Variants in GRM7 observed in about 807,000 individuals in gnomAD.
GRM7 encodes the protein metabotropic glutamate receptor 7.
In GRM7, 35 loss-of-function variants were observed where a neutral mutation model predicts 84.5. The observed-to-expected ratio is 0.41, with a 90% CI of 0.32 to 0.55. The LOEUF is 0.55. Among genes scored for constraint, GRM7 ranks in the 20% least tolerant of loss-of-function variants. The pLI is 0.19. For synonymous variants in GRM7, 487 were observed against 455.1 expected, an observed-to-expected ratio of 1.07 and a Z score of -0.89; for missense variants, 1,003 against 1,194.6, an observed-to-expected ratio of 0.84 and a Z score of 2.36.
At chr3:7,197,648 A>T (rs1431293341) in intron 2 of GRM7, among the ~76,000 whole-genome samples, 1 of 150,766 alleles carries the variant, frequency 6.6e-6, no homozygotes, top group Non-Finnish European at 1.5e-5. Context: ...GCTCAATTAG[A>T]TTTCTCCTAA....
chr3:7,574,066 T>C (rs914958380), intron 7 of GRM7, among the ~76,000 whole-genome samples: 1 of 152,150 alleles, frequency 6.6e-6, no homozygotes, highest in Non-Finnish European at 1.5e-5. Context: ...AAGATGTAAA[T>C]TCTTTTTAAT....
intron 8 of GRM7, among the ~76,000 whole-genome samples, chr3:7,616,151 C>A (rs906948343): frequency 1.3e-5 from 2 of 152,148 alleles, no homozygotes; most frequent in African/African-American, 2.4e-5. Flanking sequence ...AATGAAAAAA[C>A]AAGTTTCCTT....
intron 4 of GRM7, among the ~76,000 whole-genome samples, chr3:7,341,266 C>G (rs188290457): frequency 6.6e-5 from 10 of 152,044 alleles, no homozygotes; most frequent in African/African-American, 2.4e-4. Flanking sequence ...GAAAATTCAA[C>G]AAATGTAACT....
At chr3:7,274,751 TTTG>T (rs539079484) in intron 2 of GRM7, among the ~76,000 whole-genome samples, 107 of 152,086 alleles carry the variant, frequency 7.0e-4, no homozygotes, top group Non-Finnish European at 7.7e-4. Flanking sequence ...TAGTTGTAGT[TTTG>T]TTGTTGTTGT....
chr3:7,480,289 G>T (rs1461351032), intron 7 of GRM7, among the ~76,000 whole-genome samples: 2 of 152,182 alleles, frequency 1.3e-5, no homozygotes, highest in African/African-American at 2.4e-5. Context: ...CCAGGTTCTA[G>T]CTGGTAGAAA....
chr3:6,867,438 T>A lies in GRM7; in HGVS notation c.519+5531T>A, dbSNP rs139237680. On this transcript the variant is annotated intron_variant, in intron 1 of 9. Coordinates refer to ENST00000357716, the MANE Select transcript of GRM7 (RefSeq NM_000844.4). ...AGAGGGAAGACAGACACTTCTGATG[T>A]AAACTGCAGGATGTATAGGCCTCCT... Among the ~76,000 whole-genome samples, 375 of 152,326 alleles carry A rather than the reference T, an allele frequency of 2.5e-3. 1 individual carries two copies. Among genetic ancestry groups the A allele is most frequent in the African/African-American group, 8.7e-3 (362 of 41,576 alleles).
At chr3:7,538,851 T>C (rs1265986155) in intron 7 of GRM7, among the ~76,000 whole-genome samples, 2 of 152,210 alleles carry the variant, frequency 1.3e-5, no homozygotes, top group Non-Finnish European at 2.9e-5. Flanking sequence ...AGATGCCAGA[T>C]AAACTTATGT....
At chr3:7,611,454 C>T (rs1305080102) in intron 8 of GRM7, among the ~76,000 whole-genome samples, 2 of 152,164 alleles carry the variant, frequency 1.3e-5, no homozygotes, top group African/African-American at 4.8e-5. Flanking sequence ...TCCCTCCGTT[C>T]TCCCTGTCTC....
In GRM7 at chr3:6,940,384, C is replaced by G. The variant is rs367942461; in HGVS notation, c.519+78477C>G. Reference sequence around the variant, plus strand: ...GGATTACAGGAGTGAACCACTGCGCCCGGCCCGTTTTTAATTTAAGTGAGA... The same window carrying G: ...GGATTACAGGAGTGAACCACTGCGCGCGGCCCGTTTTTAATTTAAGTGAGA... On this transcript the variant is annotated intron_variant, in intron 1 of 9. Transcript: ENST00000357716. Among the ~76,000 whole-genome samples, 636 of 152,254 alleles carry G rather than the reference C, an allele frequency of 4.2e-3. 1 individual carries two copies. Among genetic ancestry groups the G allele is most frequent in the South Asian group, 0.012 (58 of 4,828 alleles).
intron 7 of GRM7, among the ~76,000 whole-genome samples, chr3:7,473,532 A>AGAGAGAGAGAGAGAGAC (rs1553603738): frequency 1.2e-5 from 1 of 83,628 alleles, no homozygotes. Context: ...GAGAGAGAGA[A>AGAGAGAGAGAGAGAGAC]ACACCTTGAC....
intron 4 of GRM7, among the ~76,000 whole-genome samples, chr3:7,351,675 C>T (rs1184434955): frequency 2.0e-5 from 3 of 152,074 alleles, no homozygotes; most frequent in Non-Finnish European, 2.9e-5. Context: ...ATTCAGCTTG[C>T]TTGGCTTTCT....
At chr3:7,369,326 G>A (rs540047570) in intron 4 of GRM7, among the ~76,000 whole-genome samples, 21 of 152,226 alleles carry the variant, frequency 1.4e-4, no homozygotes, top group African/African-American at 4.8e-4. Context: ...TTGTCACCAC[G>A]TGTCTTCCAT....
At chr3:7,170,869 C>T (rs1429119998) in intron 2 of GRM7, among the ~76,000 whole-genome samples, 1 of 152,164 alleles carries the variant, frequency 6.6e-6, no homozygotes, top group African/African-American at 2.4e-5. Context: ...CTTCCAGGCT[C>T]ATCTTGCCAT....
intron 1 of GRM7, among the ~76,000 whole-genome samples, chr3:7,099,607 A>T (rs533174777): frequency 3.7e-5 from 5 of 134,924 alleles, no homozygotes; most frequent in African/African-American, 5.7e-5. Flanking sequence ...CGCATTATAC[A>T]TGTGCACATA....
intron 1 of GRM7, among the ~76,000 whole-genome samples, chr3:7,008,301 T>G (rs1281163835): frequency 6.6e-6 from 1 of 152,206 alleles, no homozygotes; most frequent in Non-Finnish European, 1.5e-5. Flanking sequence ...GAATGGCCTA[T>G]TTAGTTTGTT....
At chr3:7,663,488 G>T (rs1699552561) in intron 8 of GRM7, among the ~76,000 whole-genome samples, 1 of 152,164 alleles carries the variant, frequency 6.6e-6, no homozygotes, top group South Asian at 2.1e-4. Flanking sequence ...TCCTCAAGGT[G>T]GAATGCCTCT....
chr3:7,644,019 T>TACAC (rs944810085), intron 8 of GRM7, among the ~76,000 whole-genome samples: 3 of 88,924 alleles, frequency 3.4e-5, no homozygotes, highest in Non-Finnish European at 7.0e-5. Context: ...TATATATATA[T>TACAC]ACACACACAC....
At chr3:7,579,725 AC>A (rs1490532170) in intron 8 of GRM7, among the ~76,000 whole-genome samples, 1 of 152,138 alleles carries the variant, frequency 6.6e-6, no homozygotes, top group Non-Finnish European at 1.5e-5. Flanking sequence ...GGAGCATAGT[AC>A]CTTCTCCAGG....
intron 1 of GRM7, among the ~76,000 whole-genome samples, chr3:6,975,914 A>T (rs1288525739): frequency 6.6e-6 from 1 of 152,198 alleles, no homozygotes; most frequent in Non-Finnish European, 1.5e-5. Flanking sequence ...CACAGAAGGC[A>T]TATTATGAAC....
Sources: allele counts gnomAD v4.1 joint callset (sites outside exome capture counted in the v4.1 genomes callset), GRCh38; gene constraint gnomAD v4.1.1; transcripts MANE v1.5; gene names NCBI Gene and HGNC (gene_info 2026-07-23, HGNC 2026-07-21).